The following PHTF2 variants were observed in gnomAD, a reference collection of about 807,000 sequenced individuals.
PHTF2 encodes the protein protein PHTF2.
In PHTF2, 60 loss-of-function variants were observed where a neutral mutation model predicts 101.2. That is an observed-to-expected ratio of 0.59 (90% CI 0.48 to 0.73). The LOEUF is 0.73. Among genes scored for constraint, PHTF2 ranks in the 30% least tolerant of loss-of-function variants. The pLI, the probability that PHTF2 is intolerant of heterozygous loss-of-function variation, is 0.00. For synonymous variants in PHTF2, 311 were observed against 307.3 expected (o/e 1.01, Z -0.13); for missense variants, 747 against 908.7 (o/e 0.82, Z 2.29).
At chr7:77,865,308 C>T (rs1797965076) in intron 3 of PHTF2, among the ~76,000 whole-genome samples, 1 of 152,056 alleles carries the variant, frequency 6.6e-6, no homozygotes, top group Non-Finnish European at 1.5e-5. Context: ...TCACTGCAAC[C>T]TCTGCTTCCC....
chr7:77,824,287 G>T (rs1389362535), intron 1 of PHTF2, among the ~76,000 whole-genome samples: 1 of 150,098 alleles, frequency 6.7e-6, no homozygotes, highest in South Asian at 2.1e-4. Context: ...GGAGGTAGTT[G>T]TAACAAATTC....
chr7:77,865,948 C>T (rs953318186), intron 3 of PHTF2, among the ~76,000 whole-genome samples: 8 of 151,716 alleles, frequency 5.3e-5, no homozygotes, highest in African/African-American at 1.5e-4. Flanking sequence ...CTTTGGGAGG[C>T]GAAGGCGGGC....
Position 77,885,126 on chromosome 7 carries a change from T to C in PHTF2, c.148-8482T>C, listed in dbSNP as rs145709945. 6.8e-3 allele frequency among the ~76,000 whole-genome samples: 1,043 copies of C among 152,270 alleles called. 4 individuals are homozygous for C. Among genetic ancestry groups the C allele is most frequent in the Admixed American group, 0.014 (218 of 15,290 alleles). On this transcript the variant is annotated intron_variant, in intron 3 of 19. Transcript: ENST00000416283. ...AGAGGTTATCTCGAGATTTTGTTGT[T>C]GTTGTTACCTAGGCTGGAGTGCAAT...
At chr7:77,866,873 T>C (rs1401166356) in intron 3 of PHTF2, among the ~76,000 whole-genome samples, 1 of 152,230 alleles carries the variant, frequency 6.6e-6, no homozygotes, top group African/African-American at 2.4e-5. Flanking sequence ...GTCAGGGTTA[T>C]GTTTTAGAAT....
At chr7:77,865,721 A>G (rs956589865) in intron 3 of PHTF2, among the ~76,000 whole-genome samples, 1 of 152,120 alleles carries the variant, frequency 6.6e-6, no homozygotes, top group African/African-American at 2.4e-5. Flanking sequence ...TACTGCTTTG[A>G]TAACAGTGCT....
chr7:77,922,687 G>T (rs779191585), exon 11 of PHTF2: 1 of 1,610,550 alleles, frequency 6.2e-7, no homozygotes, highest in Admixed American at 1.7e-5. Context: ...CCTGAAACAG[G>T]ATACTCATTA....
chr7:77,937,901 AT>A, intron 13 of PHTF2, 63 bp downstream of exon 12: 1 of 777,756 alleles, frequency 1.3e-6, no homozygotes. Flanking sequence ...ATATAAGATA[AT>A]TACTGGAATA....
At chr7:77,929,384 G>A in intron 12 of PHTF2, 57 bp downstream of exon 11, 2 of 844,190 alleles carry the variant, frequency 2.4e-6, no homozygotes, top group South Asian at 1.5e-5. Context: ...TTGAATTTAT[G>A]TTCAAATGTT....
chr7:77,928,336 ATTACT>A (rs565621727), intron 11 of PHTF2, among the ~76,000 whole-genome samples: 206 of 152,330 alleles, frequency 1.4e-3, no homozygotes, highest in Middle Eastern at 0.01. Flanking sequence ...CTGATTAGAA[ATTACT>A]TAACTTGTTT....
chr7:77,910,185 T>G, intron 8 of PHTF2, 60 bp from the exon 8 acceptor site: 2 of 1,450,510 alleles, frequency 1.4e-6, no homozygotes, highest in Non-Finnish European at 1.9e-6. Flanking sequence ...ATTGTACTAC[T>G]GAGAAAGTGG....
chr7:77,945,231 G>A (rs777673131), intron 16 of PHTF2, among the ~76,000 whole-genome samples: 2 of 152,126 alleles, frequency 1.3e-5, no homozygotes, highest in African/African-American at 2.4e-5. Flanking sequence ...GCAGCTGCTC[G>A]GGAGGATGAG....
chr7:77,835,362 G>C (rs1001951099), intron 1 of PHTF2, among the ~76,000 whole-genome samples: 5 of 151,798 alleles, frequency 3.3e-5, no homozygotes, highest in Non-Finnish European at 7.4e-5. Context: ...TATGAGTGGA[G>C]AAAAGAATGG....
At chr7:77,955,961 A>G (rs1806968133) in exon 20 of PHTF2, 1 of 152,474 alleles carries the variant, frequency 6.6e-6, no homozygotes, top group Non-Finnish European at 1.5e-5. Flanking sequence ...CCCATTATAT[A>G]AGGGCTATTT....
chr7:77,818,110 C>CAA (rs776568833), intron 1 of PHTF2, among the ~76,000 whole-genome samples: 17 of 90,594 alleles, frequency 1.9e-4, no homozygotes, highest in Admixed American at 2.3e-4. Context: ...AACTCCGTCT[C>CAA]AAAAAAAAAA....
At chr7:77,940,383 T>C (rs2150973367) in intron 14 of PHTF2, 81 bp downstream of exon 13, 4 of 1,345,064 alleles carry the variant, frequency 3.0e-6, no homozygotes. Flanking sequence ...ACTTTATTAT[T>C]TCATTATATC....
At chr7:77,916,151 A>C (rs915268464) in intron 9 of PHTF2, among the ~76,000 whole-genome samples, 4 of 152,164 alleles carry the variant, frequency 2.6e-5, no homozygotes, top group Admixed American at 2.6e-4. Flanking sequence ...TTTATCTTGC[A>C]TTCTGTTTAT....
At position 77,844,183 on chromosome 7, in the gene PHTF2, G is replaced by A. The variant is rs557434437; in HGVS notation, c.45+3883G>A. On this transcript the variant is annotated intron_variant, in intron 2 of 19. Transcript: ENST00000416283. ...CACCTAACTTTTGTATTTTTTTGAC[G>A]GGATTTCACCATGTTTCCCAGGCTG... Among the ~76,000 whole-genome samples, 5 of 151,860 alleles carry A rather than the reference G, an allele frequency of 3.3e-5. No homozygotes were observed. The South Asian group carries it at 6.2e-4, about 19-fold the overall frequency.
intron 3 of PHTF2, among the ~76,000 whole-genome samples, chr7:77,873,924 T>G (rs1483010471): frequency 6.6e-6 from 1 of 152,220 alleles, no homozygotes; most frequent in East Asian, 1.9e-4. Context: ...GCTATTTCTC[T>G]AGGGGAGATA....
chr7:77,925,776 T>G (rs1033028870), intron 11 of PHTF2, among the ~76,000 whole-genome samples: 14 of 151,974 alleles, frequency 9.2e-5, no homozygotes, highest in African/African-American at 2.9e-4. Flanking sequence ...ATGACCCACT[T>G]GGCCGGGTGC....
Sources: gnomAD v4.1 joint callset for allele counts (sites outside exome capture counted in the v4.1 genomes callset) on GRCh38, gnomAD v4.1.1 for gene constraint, MANE v1.5 for transcripts, NCBI Gene and HGNC (gene_info 2026-07-23, HGNC 2026-07-21) for gene names.